Variants in PLEKHA5 observed in about 807,000 individuals in gnomAD.
PLEKHA5 encodes pleckstrin homology domain containing A5.
In PLEKHA5, 55 loss-of-function variants were observed where a neutral mutation model predicts 181.9. The observed-to-expected ratio is 0.30, with a 90% CI of 0.24 to 0.38. The LOEUF is 0.38. Among genes scored for constraint, PLEKHA5 ranks in the 10% least tolerant of loss-of-function variants. The pLI, the probability that PLEKHA5 is intolerant of heterozygous loss-of-function variation, is 1.00. For synonymous variants in PLEKHA5, 535 were observed against 529.4 expected (o/e 1.01, Z -0.15); for missense variants, 1,432 against 1,549.5 (o/e 0.92, Z 1.27).
At chr12:19,200,283 T>A (rs758560734) in intron 3 of PLEKHA5, 1 of 1,439,578 alleles carries the variant, frequency 6.9e-7, no homozygotes, top group East Asian at 2.5e-5. Context: ...TAAAAAAAAA[T>A]TTAAACATTA....
chr12:19,211,072 T>C (rs1249146762), intron 3 of PLEKHA5, among the ~76,000 whole-genome samples: 2 of 152,216 alleles, frequency 1.3e-5, no homozygotes, highest in Non-Finnish European at 2.9e-5. Context: ...TATTACATTA[T>C]ATTCTTTTTC....
intron 21 of PLEKHA5, among the ~76,000 whole-genome samples, chr12:19,342,895 A>G (rs2094048974): frequency 6.6e-6 from 1 of 152,132 alleles, no homozygotes; most frequent in African/African-American, 2.4e-5. Context: ...GGAAGTTAGT[A>G]CACCTTCCAT....
At chr12:19,261,066 T>C (rs760542084) in intron 7 of PLEKHA5, 45 bp downstream of exon 7, 9 of 1,036,256 alleles carry the variant, frequency 8.7e-6, no homozygotes, top group African/African-American at 6.3e-5. Context: ...GTAATTGATA[T>C]GTAATATAAG....
chr12:19,368,526 C>T (rs548383081), intron 30 of PLEKHA5, among the ~76,000 whole-genome samples: 4 of 152,086 alleles, frequency 2.6e-5, no homozygotes, highest in Non-Finnish European at 4.4e-5. Flanking sequence ...GGCACAGTGG[C>T]TCACGCCTAT....
chr12:19,192,062 G>C (rs927294966), intron 3 of PLEKHA5, among the ~76,000 whole-genome samples: 2 of 152,078 alleles, frequency 1.3e-5, no homozygotes, highest in African/African-American at 4.8e-5. Context: ...GGTCATCTTA[G>C]AGGCTTGCTA....
At chr12:19,207,952 G>A (rs1173652477) in intron 3 of PLEKHA5, among the ~76,000 whole-genome samples, 1 of 152,142 alleles carries the variant, frequency 6.6e-6, no homozygotes, top group African/African-American at 2.4e-5. Context: ...GCCACTAGGA[G>A]TGTAGTCAAT....
intron 3 of PLEKHA5, among the ~76,000 whole-genome samples, chr12:19,160,918 CAAT>C (rs1005671642): frequency 2.6e-5 from 4 of 151,762 alleles, no homozygotes; most frequent in Admixed American, 6.6e-5. Context: ...GAAATAGAAT[CAAT>C]AATAACAGTA....
intron 3 of PLEKHA5, among the ~76,000 whole-genome samples, chr12:19,160,715 C>T (rs1422123524): frequency 2.0e-5 from 3 of 152,000 alleles, no homozygotes; most frequent in Middle Eastern, 3.4e-3. Flanking sequence ...TGATAATTCC[C>T]CTGCCTTTTC....
Position 19,230,226 on chromosome 12 carries a change from G to A in PLEKHA5, c.228-23714G>A, listed in dbSNP as rs142108530. Among the ~76,000 whole-genome samples, 379 of 152,340 alleles carry A rather than the reference G, an allele frequency of 2.5e-3. 3 individuals carry two copies. Among genetic ancestry groups the A allele is most frequent in the African/African-American group, 8.8e-3 (365 of 41,588 alleles). ...TAAGCTAGACACAGTGCTGATTGGT[G>A]TATTTACAATCCCTTAGGTAGACAT... On this transcript the variant is annotated intron_variant, in intron 3 of 31. Transcript: ENST00000429027.
Position 19,283,771 on chromosome 12 carries a change from A to C in PLEKHA5, c.1779+26A>C, listed in dbSNP as rs757184540. ...GTAAAATAGCTGCTGATTTTGTGTT[A>C]ACTCACTACCTTATAAATGCTGTGT... On this transcript the variant is annotated intron_variant, in intron 12 of 31. Coordinates refer to ENST00000429027, the MANE Select transcript of PLEKHA5 (RefSeq NM_001256470.2). The C allele has an allele frequency of 2.9e-6, 4 of 1,397,902 alleles. No homozygotes were observed. In the Admixed American group the frequency reaches 6.8e-5, roughly 24 times the overall value. 86.6% of individuals were successfully genotyped at this position (1,397,902 alleles called of 1,614,324 possible).
intron 3 of PLEKHA5, among the ~76,000 whole-genome samples, chr12:19,177,798 C>T (rs984884458): frequency 2.0e-5 from 3 of 152,122 alleles, no homozygotes; most frequent in African/African-American, 7.2e-5. Context: ...ATTTTTAATT[C>T]TACGGATCAG....
At chr12:19,244,037 T>C (rs749862104) in intron 3 of PLEKHA5, among the ~76,000 whole-genome samples, 2 of 152,160 alleles carry the variant, frequency 1.3e-5, no homozygotes, top group African/African-American at 2.4e-5. Context: ...TGAAAAGTTA[T>C]CTATGTGAAA....
intron 30 of PLEKHA5, among the ~76,000 whole-genome samples, chr12:19,367,837 C>T (rs955439902): frequency 6.6e-6 from 1 of 151,648 alleles, no homozygotes; most frequent in Non-Finnish European, 1.5e-5. Flanking sequence ...CCGCCCGCCT[C>T]GGCCTCCCAA....
chr12:19,365,323 G>A (rs549768041), intron 29 of PLEKHA5, among the ~76,000 whole-genome samples: 7 of 149,014 alleles, frequency 4.7e-5, no homozygotes, highest in African/African-American at 1.2e-4. Flanking sequence ...CCTAGATCGC[G>A]CCACTGCACT....
chr12:19,310,982 G>A (rs982056629), intron 15 of PLEKHA5, among the ~76,000 whole-genome samples: 6 of 152,106 alleles, frequency 3.9e-5, no homozygotes, highest in African/African-American at 1.4e-4. Flanking sequence ...AACTGATCAG[G>A]GTGGTGGTTG....
At chr12:19,200,705 A>C in intron 3 of PLEKHA5, 1 of 1,004,318 alleles carries the variant, frequency 1.0e-6, no homozygotes, top group Non-Finnish European at 1.2e-6. Context: ...TGCTTTCCAA[A>C]ACCAAGGAAG....
Position 19,358,410 on chromosome 12 carries a change from A to G in PLEKHA5, c.3321A>G (p.Leu1107=), listed in dbSNP as rs1319502222. The G allele has an allele frequency of 6.2e-7, 1 of 1,612,478 alleles. No individual in the cohort carries two copies. The highest frequency in any genetic ancestry group is 8.5e-7 in the Non-Finnish European group (1 of 1,178,566). ...CACCCTTACAAAGCCCTTCAAATTT[A>G]AGGGATAATCCATTTAGGACTACTC... The part of the protein sequence containing the change: ...DQSPLQSPSN[L]RDNPFRTTQT... The change falls in exon 27 of 32, where the codon TTA becomes TTG. Residue 1107 remains leucine, a synonymous_variant. Coordinates refer to ENST00000429027, the MANE Select transcript of PLEKHA5 (RefSeq NM_001256470.2).
intron 14 of PLEKHA5, 146 bp from the exon 15 acceptor site, chr12:19,291,498 C>T (rs2078436090): frequency 3.9e-6 from 2 of 508,156 alleles, no homozygotes; most frequent in South Asian, 3.2e-5. Context: ...GTACCATTTA[C>T]AGGGGAGCAT....
intron 8 of PLEKHA5, among the ~76,000 whole-genome samples, chr12:19,268,352 C>T (rs981235110): frequency 2.0e-5 from 3 of 152,092 alleles, no homozygotes; most frequent in South Asian, 4.2e-4. Context: ...CTTTTTTCTG[C>T]GTTTTTAGAC....
Sources: allele counts gnomAD v4.1 joint callset (sites outside exome capture counted in the v4.1 genomes callset), GRCh38; gene constraint gnomAD v4.1.1; transcripts MANE v1.5; gene names NCBI Gene and HGNC (gene_info 2026-07-23, HGNC 2026-07-21).